Variants in TENM2 observed in about 807,000 individuals in gnomAD.
TENM2 encodes the protein teneurin transmembrane protein 2.
Under a neutral mutation model 245.2 loss-of-function variants are expected in TENM2, and 52 were observed. That is an observed-to-expected ratio of 0.21 (90% CI 0.17 to 0.27). The LOEUF is 0.27. TENM2 is among the 10% of genes least tolerant of loss of function. TENM2 has a pLI of 1.00. For synonymous variants in TENM2, 1,363 were observed against 1,438.9 expected (o/e 0.95, Z 1.19); for missense variants, 3,046 against 3,666.8 (o/e 0.83, Z 4.37).
intron 3 of TENM2, among the ~76,000 whole-genome samples, chr5:167,921,642 A>G (rs188933196): frequency 4.5e-4 from 69 of 152,316 alleles, no homozygotes; most frequent in Middle Eastern, 3.4e-3. Context: ...AGAAAAACAA[A>G]CTATGATAGA....
At chr5:167,128,397 A>G in the TENM2 span, among the ~76,000 whole-genome samples, 1 of 152,030 alleles carries the variant, frequency 6.6e-6, no homozygotes, top group Admixed American at 6.6e-5. Flanking sequence ...TGCATCAGAA[A>G]CGCCCTAGAG....
chr5:168,125,733 A>C (rs950987169), intron 11 of TENM2, among the ~76,000 whole-genome samples: 3 of 152,004 alleles, frequency 2.0e-5, no homozygotes, highest in South Asian at 2.1e-4. Context: ...AAAGAAATGA[A>C]TATTTCATTC....
chr5:167,284,829 T>C, exon 1 of TENM2: 2 of 1,547,262 alleles, frequency 1.3e-6, no homozygotes, highest in Non-Finnish European at 1.7e-6. Context: ...TTCTGCCATA[T>C]CTGGAATAAT....
intron 2 of TENM2, among the ~76,000 whole-genome samples, chr5:167,626,306 G>A (rs571058764): frequency 1.3e-5 from 2 of 151,194 alleles, no homozygotes; most frequent in South Asian, 2.1e-4. Flanking sequence ...ACATAAAATG[G>A]TCTCAGGTTG....
At chr5:168,199,969 T>C (rs367950355) in exon 17 of TENM2, 1 of 1,613,958 alleles carries the variant, frequency 6.2e-7, no homozygotes. Context: ...CATGACCCAG[T>C]CCACAGTGCC....
intron 2 of TENM2, among the ~76,000 whole-genome samples, chr5:167,610,249 C>T (rs1777383897): frequency 6.6e-6 from 1 of 152,088 alleles, no homozygotes; most frequent in Non-Finnish European, 1.5e-5. Flanking sequence ...CACCACCCTC[C>T]AGGAACCCCC....
At chr5:168,203,727 A>G in exon 18 of TENM2, 1 of 1,612,838 alleles carries the variant, frequency 6.2e-7, no homozygotes, top group Non-Finnish European at 8.5e-7. Context: ...TCCCAGTCTA[A>G]TTCTCTGGGA....
intron 2 of TENM2, among the ~76,000 whole-genome samples, chr5:167,741,281 T>G (rs1761157553): frequency 1.3e-5 from 2 of 152,196 alleles, no homozygotes; most frequent in Admixed American, 1.3e-4. Flanking sequence ...CATCCTTAAC[T>G]GTGCCTGTCC....
the TENM2 span, among the ~76,000 whole-genome samples, chr5:167,064,654 T>C: frequency 6.6e-6 from 1 of 152,202 alleles, no homozygotes; most frequent in African/African-American, 2.4e-5. Context: ...AGTGCATGGC[T>C]CAGTTCTTAA....
chr5:168,142,329 C>G (rs1198061042), intron 12 of TENM2, among the ~76,000 whole-genome samples: 1 of 152,228 alleles, frequency 6.6e-6, no homozygotes, highest in Non-Finnish European at 1.5e-5. Context: ...TCATGTCTAA[C>G]TGATCTCAGT....
chr5:168,126,648 G>A (rs1795873061), intron 11 of TENM2, 106 bp from the exon 14 acceptor site: 1 of 804,656 alleles, frequency 1.2e-6, no homozygotes, highest in African/African-American at 1.7e-5. Context: ...CAGAGCTGCT[G>A]GGCCTCGGGG....
At chr5:167,983,034 C>G (rs1782959707) in intron 4 of TENM2, among the ~76,000 whole-genome samples, 1 of 152,108 alleles carries the variant, frequency 6.6e-6, no homozygotes, top group African/African-American at 2.4e-5. Flanking sequence ...TCTGGACACT[C>G]CCATATGATA....
chr5:167,468,179 C>A (rs2127504373), intron 2 of TENM2, among the ~76,000 whole-genome samples: 2 of 152,286 alleles, frequency 1.3e-5, no homozygotes, highest in Middle Eastern at 6.8e-3. Context: ...TCAGGTGATT[C>A]ACCTTCCTCG....
intron 2 of TENM2, among the ~76,000 whole-genome samples, chr5:167,436,461 CA>C (rs1297212054): frequency 6.6e-6 from 1 of 151,970 alleles, no homozygotes; most frequent in Non-Finnish European, 1.5e-5. Flanking sequence ...AGGGAGACAG[CA>C]AAAAAGTTTG....
chr5:167,615,992 G>A (rs1007843277), intron 2 of TENM2, among the ~76,000 whole-genome samples: 5 of 152,092 alleles, frequency 3.3e-5, no homozygotes, highest in Admixed American at 2.6e-4. Context: ...CTGAGCTTGC[G>A]AAGAATACAC....
intron 2 of TENM2, among the ~76,000 whole-genome samples, chr5:167,838,167 A>C (rs1481238431): frequency 1.3e-5 from 2 of 152,252 alleles, no homozygotes; most frequent in African/African-American, 2.4e-5. Context: ...ATGCTTGGTG[A>C]TACAACAGTA....
intron 2 of TENM2, among the ~76,000 whole-genome samples, chr5:167,590,604 A>T (rs1039548158): frequency 6.6e-6 from 1 of 151,884 alleles, no homozygotes; most frequent in Admixed American, 6.6e-5. Flanking sequence ...CTTAACTTTC[A>T]TCTTGATTAT....
chr5:168,036,228 T>C (rs893778669), intron 5 of TENM2, among the ~76,000 whole-genome samples: 1 of 152,198 alleles, frequency 6.6e-6, no homozygotes, highest in Admixed American at 6.5e-5. Context: ...TGCAATGCCT[T>C]GTATAAGCCA....
chr5:167,066,915 C>T, the TENM2 span, among the ~76,000 whole-genome samples: 2 of 152,080 alleles, frequency 1.3e-5, no homozygotes, highest in African/African-American at 4.8e-5. Context: ...ATTTAGTACT[C>T]ATTTGATTGC....
Sources: allele counts gnomAD v4.1 joint callset (sites outside exome capture counted in the v4.1 genomes callset), GRCh38; gene constraint gnomAD v4.1.1; transcripts MANE v1.5; gene names NCBI Gene and HGNC (gene_info 2026-07-23, HGNC 2026-07-21).